Variants in CNTN3 observed in about 807,000 individuals in gnomAD.
CNTN3 encodes the protein contactin-3.
Under a neutral mutation model 119.1 loss-of-function variants are expected in CNTN3, and 60 were observed. That is an observed-to-expected ratio of 0.50 (90% CI 0.41 to 0.62). The LOEUF (loss-of-function observed/expected upper bound fraction) is 0.62, where lower values mean the gene tolerates loss of function less well. Among genes scored for constraint, CNTN3 ranks in the 20% least tolerant of loss-of-function variants. The pLI is 0.00. For synonymous variants in CNTN3, 450 were observed against 438.7 expected (o/e 1.03, Z -0.32); for missense variants, 1,101 against 1,242.4 (o/e 0.89, Z 1.71).
chr3:74,536,487 C>A (rs1703767169), intron 1 of CNTN3, among the ~76,000 whole-genome samples: 1 of 152,096 alleles, frequency 6.6e-6, no homozygotes, highest in African/African-American at 2.4e-5. Context: ...CTTCCCAAGA[C>A]AGATTTAGGA....
intron 11 of CNTN3, among the ~76,000 whole-genome samples, chr3:74,359,318 T>A (rs1050474572): frequency 6.6e-6 from 1 of 152,218 alleles, no homozygotes; most frequent in Non-Finnish European, 1.5e-5. Context: ...TATATGTATA[T>A]GTACAAATAT....
intron 1 of CNTN3, among the ~76,000 whole-genome samples, chr3:74,543,647 C>T (rs934418204): frequency 2.0e-5 from 3 of 151,980 alleles, no homozygotes; most frequent in African/African-American, 4.8e-5. Flanking sequence ...TCACATTTTA[C>T]GTATAGATAT....
intron 20 of CNTN3, among the ~76,000 whole-genome samples, chr3:74,277,103 C>G (rs188474214): frequency 1.3e-5 from 2 of 152,164 alleles, no homozygotes; most frequent in East Asian, 3.9e-4. Context: ...ATACCCTGAA[C>G]AGACCAATAA....
intron 19 of CNTN3, among the ~76,000 whole-genome samples, chr3:74,291,998 T>C (rs1483259906): frequency 6.6e-6 from 1 of 152,150 alleles, no homozygotes; most frequent in Non-Finnish European, 1.5e-5. Flanking sequence ...TGGAAATTTC[T>C]CTTCTATGTT....
At chr3:74,613,467 G>T (rs1379687193) in intron 1 of CNTN3, among the ~76,000 whole-genome samples, 2 of 152,008 alleles carry the variant, frequency 1.3e-5, no homozygotes, top group African/African-American at 4.8e-5. Flanking sequence ...CCAGAGCTCT[G>T]TTCCCCTTTC....
chr3:74,320,477 A>T (rs188301311), intron 13 of CNTN3, among the ~76,000 whole-genome samples: 3 of 152,156 alleles, frequency 2.0e-5, no homozygotes, highest in African/African-American at 7.2e-5. Flanking sequence ...ATGAGAACAC[A>T]TGGACACAGG....
At chr3:74,293,078 C>T (rs138932539) in intron 19 of CNTN3, among the ~76,000 whole-genome samples, 121 of 152,322 alleles carry the variant, frequency 7.9e-4, no homozygotes, top group African/African-American at 2.2e-3. Flanking sequence ...TCTGTCAAGA[C>T]CAGTGTTTAT....
intron 5 of CNTN3, among the ~76,000 whole-genome samples, chr3:74,416,358 G>T (rs1701520014): frequency 6.6e-6 from 1 of 152,142 alleles, no homozygotes; most frequent in African/African-American, 2.4e-5. Flanking sequence ...GATCCTATAA[G>T]GATAGGTTCT....
intron 9 of CNTN3, 35 bp downstream of exon 9, chr3:74,365,531 G>A: frequency 6.2e-7 from 1 of 1,611,356 alleles, no homozygotes; most frequent in African/African-American, 1.3e-5. Context: ...GATTTACCAG[G>A]CCTCTAAACC....
intron 1 of CNTN3, among the ~76,000 whole-genome samples, chr3:74,562,217 T>C (rs1704163745): frequency 6.6e-6 from 1 of 152,196 alleles, no homozygotes; most frequent in Non-Finnish European, 1.5e-5. Context: ...AGGTATGGAT[T>C]CTAGCACATA....
intron 1 of CNTN3, among the ~76,000 whole-genome samples, chr3:74,552,042 G>A (rs990505141): frequency 1.3e-5 from 2 of 151,962 alleles, no homozygotes; most frequent in African/African-American, 4.8e-5. Flanking sequence ...GGCATTACAG[G>A]TGTGAGCCAC....
chr3:74,515,757 A>C (rs997476860), intron 2 of CNTN3, among the ~76,000 whole-genome samples: 2 of 152,064 alleles, frequency 1.3e-5, no homozygotes, highest in African/African-American at 4.8e-5. Flanking sequence ...GTTTTGTTTG[A>C]CTTAGAAGCA....
intron 1 of CNTN3, among the ~76,000 whole-genome samples, chr3:74,539,002 C>A (rs2107144799): frequency 6.6e-6 from 1 of 152,094 alleles, no homozygotes; most frequent in South Asian, 2.1e-4. Context: ...AAAAATACTT[C>A]AGTTGATTTT....
intron 5 of CNTN3, among the ~76,000 whole-genome samples, chr3:74,404,553 C>T (rs1376872917): frequency 1.3e-5 from 2 of 151,942 alleles, no homozygotes; most frequent in African/African-American, 4.8e-5. Context: ...TCCTTGTAGA[C>T]ATCAACATGT....
intron 2 of CNTN3, among the ~76,000 whole-genome samples, chr3:74,514,149 T>C (rs1180863830): frequency 6.6e-6 from 1 of 152,082 alleles, no homozygotes; most frequent in African/African-American, 2.4e-5. Flanking sequence ...CCGTCTAACA[T>C]GAAATCACAT....
chr3:74,290,415 T>A lies in CNTN3; in HGVS notation c.2517+4706A>T, dbSNP rs532989120. ...GTTGTATGTGTCATCTGTCCTAAAC[T>A]GAAATATCATTATGTAGTGCATGAC... On this transcript the variant is annotated intron_variant, in intron 19 of 22. Coordinates refer to ENST00000263665, the MANE Select transcript of CNTN3 (RefSeq NM_020872.3). Among the ~76,000 whole-genome samples, 13 of 152,342 alleles carry A rather than the reference T, an allele frequency of 8.5e-5. No homozygotes were observed. The South Asian group carries it at 2.1e-3, about 24-fold the overall frequency.
At chr3:74,495,199 T>C (rs948380570) in intron 3 of CNTN3, among the ~76,000 whole-genome samples, 4 of 152,042 alleles carry the variant, frequency 2.6e-5, no homozygotes, top group Non-Finnish European at 5.9e-5. Context: ...TCTGGACTTA[T>C]AAATCTGACA....
rs1458273362 is a variant in CNTN3, at chr3:74,264,310, T to A, written c.*91A>T. ...GAAGTAGAAAGTTAAAAATAAGAGT[T>A]GAAAAAAACATGCATAATCACTGCA... On this transcript the variant is annotated 3_prime_UTR_variant, in exon 23 of 23. Transcript: ENST00000263665. The A allele has an allele frequency of 5.8e-6, 3 of 517,788 alleles. No homozygotes were observed. The highest frequency in any genetic ancestry group is 9.8e-6 in the Non-Finnish European group (3 of 305,844). 32.1% of individuals were successfully genotyped at this position (517,788 alleles called of 1,614,324 possible). A position where few individuals can be genotyped will look rare whatever the true frequency, so the allele number is the denominator to read the frequency against.
At chr3:74,459,469 T>C (rs944703975) in intron 4 of CNTN3, among the ~76,000 whole-genome samples, 24 of 152,002 alleles carry the variant, frequency 1.6e-4, no homozygotes, top group Admixed American at 1.1e-3. Flanking sequence ...CCAATGGCTT[T>C]CTACTGACTT....
Sources: gnomAD v4.1 joint callset for allele counts (sites outside exome capture counted in the v4.1 genomes callset) on GRCh38, gnomAD v4.1.1 for gene constraint, MANE v1.5 for transcripts, NCBI Gene and HGNC (gene_info 2026-07-23, HGNC 2026-07-21) for gene names.